Variants in PCDH15 observed in about 807,000 individuals in gnomAD.
PCDH15 encodes the protein protocadherin related 15.
Under a neutral mutation model 178.5 loss-of-function variants are expected in PCDH15, and 129 were observed. The ratio of observed to expected loss-of-function variants is 0.72; its 90% CI spans 0.63 to 0.84. The LOEUF (loss-of-function observed/expected upper bound fraction) is 0.84. Among genes scored for constraint, PCDH15 ranks in the 40% least tolerant of loss-of-function variants. The pLI is 0.00. For missense variants in PCDH15, 2,230 were observed against 2,099.9 expected (o/e 1.06, Z -1.21); for synonymous variants, 800 against 732.0 (o/e 1.09, Z -1.50).
At chr10:54,787,334 A>T (rs1344842447) in intron 1 of PCDH15, among the ~76,000 whole-genome samples, 1 of 151,988 alleles carries the variant, frequency 6.6e-6, no homozygotes, top group Non-Finnish European at 1.5e-5. Context: ...ACACAAATAT[A>T]TAAAGTGTAT....
At chr10:54,867,398 A>T (rs918038166) in intron 3 of PCDH15, among the ~76,000 whole-genome samples, 2 of 152,178 alleles carry the variant, frequency 1.3e-5, no homozygotes, top group African/African-American at 4.8e-5. Flanking sequence ...CAATAAATGC[A>T]TCCTAATTCT....
chr10:53,905,775 G>A (rs2082640776), intron 25 of PCDH15, among the ~76,000 whole-genome samples: 1 of 151,962 alleles, frequency 6.6e-6, no homozygotes, highest in East Asian at 1.9e-4. Context: ...GATATTAAGT[G>A]GTTTGTGGGA....
intron 2 of PCDH15, among the ~76,000 whole-genome samples, chr10:54,939,219 G>A (rs529362913): frequency 6.6e-5 from 10 of 151,970 alleles, no homozygotes; most frequent in South Asian, 2.1e-4. Context: ...TGTAGGCCGG[G>A]CGTGGTGGCT....
intron 2 of PCDH15, among the ~76,000 whole-genome samples, chr10:55,032,988 A>G (rs545818962): frequency 9.2e-5 from 14 of 152,202 alleles, no homozygotes; most frequent in African/African-American, 2.2e-4. Flanking sequence ...CCTGAAATCA[A>G]TGTTCCAGAG....
rs532456420 is a variant in PCDH15 at position 54,133,477 on chromosome 10, G to A, written c.1785-470C>T. ...ATCAGTTCTGTTGCTGACATCAATG[G>A]CTTAATGTAAGTGCATGTGAGGAGT... is the stretch of plus-strand genomic sequence containing the variant. On this transcript the variant is annotated intron_variant, in intron 14 of 37. Transcript: ENST00000644397. 3.9e-5 allele frequency among the ~76,000 whole-genome samples: 6 copies of A among 152,142 alleles called. No individual in the cohort carries two copies. The South Asian group carries it at 6.2e-4, about 16-fold the overall frequency.
At chr10:54,058,612 T>A (rs1293167795) in intron 18 of PCDH15, among the ~76,000 whole-genome samples, 1 of 151,998 alleles carries the variant, frequency 6.6e-6, no homozygotes, top group African/African-American at 2.4e-5. Flanking sequence ...ACCATATCGG[T>A]CATATCCCCA....
intron 3 of PCDH15, among the ~76,000 whole-genome samples, chr10:54,810,222 T>C (rs1446748015): frequency 6.6e-6 from 1 of 152,162 alleles, no homozygotes; most frequent in Non-Finnish European, 1.5e-5. Flanking sequence ...CTGTGTGCAA[T>C]GTTCAGGCAT....
At chr10:54,718,781 T>A (rs1211606427) in intron 1 of PCDH15, among the ~76,000 whole-genome samples, 1 of 139,990 alleles carries the variant, frequency 7.1e-6, no homozygotes, top group Non-Finnish European at 1.5e-5. Context: ...AACCTCCACC[T>A]CCTGGGTTCA....
chr10:53,929,601 T>C (rs900134938), intron 25 of PCDH15, among the ~76,000 whole-genome samples: 2 of 152,176 alleles, frequency 1.3e-5, no homozygotes, highest in African/African-American at 4.8e-5. Context: ...CAGTCAATCA[T>C]AGGTAAAGAG....
At chr10:54,731,537 G>GATATATATATATATATATATA (rs1180926059) in intron 1 of PCDH15, among the ~76,000 whole-genome samples, 1 of 17,938 alleles carries the variant, frequency 5.6e-5, no homozygotes, top group Non-Finnish European at 1.9e-4. Context: ...TAAAGAAAAT[G>GATATATATATATATATATATA]TGAGATAGAT....
At chr10:54,676,164 T>C (rs1311507131) in intron 1 of PCDH15, among the ~76,000 whole-genome samples, 1 of 151,944 alleles carries the variant, frequency 6.6e-6, no homozygotes, top group South Asian at 2.1e-4. Flanking sequence ...ATATTTTAAA[T>C]CGTCGAACTT....
chr10:54,462,512 CTTTTTTTTTTTT>C (rs562731025), intron 3 of PCDH15, among the ~76,000 whole-genome samples: 1 of 66,888 alleles, frequency 1.5e-5, no homozygotes, highest in Non-Finnish European at 2.5e-5. Flanking sequence ...TTTTTCTTTT[CTTTTTTTTTTTT>C]TTTTTTTTGA....
At chr10:55,507,195 A>G (rs974019931) in intron 2 of PCDH15, among the ~76,000 whole-genome samples, 3 of 151,664 alleles carry the variant, frequency 2.0e-5, no homozygotes, top group Admixed American at 6.6e-5. Flanking sequence ...CATGCAAAGC[A>G]TTTGCCATGT....
intron 1 of PCDH15, among the ~76,000 whole-genome samples, chr10:54,726,820 G>T (rs1259862035): frequency 6.7e-6 from 1 of 150,162 alleles, no homozygotes; most frequent in African/African-American, 2.4e-5. Flanking sequence ...TCTAAGACTG[G>T]TTCTTCAGGT....
chr10:54,390,219 G>A (rs1458824563), intron 3 of PCDH15, among the ~76,000 whole-genome samples: 5 of 152,100 alleles, frequency 3.3e-5, no homozygotes, highest in African/African-American at 1.2e-4. Context: ...ATTGTCTAAC[G>A]TCTTTAGAAT....
At chr10:54,977,181 T>C (rs1839093552) in intron 2 of PCDH15, among the ~76,000 whole-genome samples, 1 of 152,186 alleles carries the variant, frequency 6.6e-6, no homozygotes, top group African/African-American at 2.4e-5. Context: ...GGATTCCATC[T>C]TGCATAGGGT....
chr10:53,936,891 C>T (rs1317795891), intron 25 of PCDH15, among the ~76,000 whole-genome samples: 1 of 152,052 alleles, frequency 6.6e-6, no homozygotes, highest in East Asian at 1.9e-4. Flanking sequence ...GTTGTATTTG[C>T]ATAACTAATG....
At chr10:55,056,599 T>C (rs1841309352) in intron 2 of PCDH15, among the ~76,000 whole-genome samples, 1 of 127,384 alleles carries the variant, frequency 7.9e-6, no homozygotes, top group Non-Finnish European at 1.6e-5. Context: ...TTTGATTTAT[T>C]TTTATTTTGT....
intron 15 of PCDH15, among the ~76,000 whole-genome samples, chr10:54,122,012 C>CAG (rs1170689554): frequency 0.013 from 1,973 of 150,718 alleles, 48 homozygotes; most frequent in African/African-American, 0.046. Context: ...TACACACACA[C>CAG]ACACACACAC....
Sources: gnomAD v4.1 joint callset for allele counts (sites outside exome capture counted in the v4.1 genomes callset) on GRCh38, gnomAD v4.1.1 for gene constraint, MANE v1.5 for transcripts, NCBI Gene and HGNC (gene_info 2026-07-23, HGNC 2026-07-21) for gene names.